ZNF804B: variants seen among roughly 807,000 people sequenced by gnomAD.
The protein encoded by ZNF804B is zinc finger protein 804B, also known as zinc finger 804B.
ZNF804B carries 80 observed loss-of-function variants against 101.4 expected under a neutral mutation model. The observed-to-expected ratio is 0.79, with a 90% CI of 0.66 to 0.95. ZNF804B has a LOEUF of 0.95. ZNF804B is among the 40% of genes least tolerant of loss of function. The pLI is 0.00. For missense variants in ZNF804B, 1,673 were observed against 1,561.9 expected (o/e 1.07, Z -1.20); for synonymous variants, 622 against 558.8 (o/e 1.11, Z -1.59).
intron 1 of ZNF804B, among the ~76,000 whole-genome samples, chr7:89,003,660 A>G (rs529590991): frequency 6.6e-6 from 1 of 152,000 alleles, no homozygotes; most frequent in Non-Finnish European, 1.5e-5. Context: ...TTATTACTAA[A>G]TGGATGCCAG....
chr7:88,861,974 T>C (rs773521187), intron 1 of ZNF804B, among the ~76,000 whole-genome samples: 3 of 152,102 alleles, frequency 2.0e-5, no homozygotes, highest in Non-Finnish European at 2.9e-5. Context: ...GGGGACCCAA[T>C]GCTAAGGACA....
intron 1 of ZNF804B, among the ~76,000 whole-genome samples, chr7:89,006,627 C>A (rs1233384829): frequency 6.6e-6 from 1 of 151,684 alleles, no homozygotes; most frequent in Admixed American, 6.6e-5. Context: ...GATGCCATGG[C>A]CATATTAAAG....
chr7:88,914,057 T>C (rs1314929614), intron 1 of ZNF804B, among the ~76,000 whole-genome samples: 1 of 152,180 alleles, frequency 6.6e-6, no homozygotes, highest in Non-Finnish European at 1.5e-5. Context: ...CTGCCTCCTA[T>C]TGAATGTGCC....
chr7:88,988,012 C>A (rs1793788894), intron 1 of ZNF804B, among the ~76,000 whole-genome samples: 1 of 151,850 alleles, frequency 6.6e-6, no homozygotes, highest in South Asian at 2.1e-4. Context: ...AACCATTATT[C>A]TACTCTCTAC....
chr7:89,005,203 A>T (rs1213741918), intron 1 of ZNF804B, among the ~76,000 whole-genome samples: 1 of 151,942 alleles, frequency 6.6e-6, no homozygotes, highest in Non-Finnish European at 1.5e-5. Flanking sequence ...TGAATATAAA[A>T]ATATTTATTC....
intron 1 of ZNF804B, among the ~76,000 whole-genome samples, chr7:89,176,933 C>T (rs1791331899): frequency 6.6e-6 from 1 of 152,098 alleles, no homozygotes. Flanking sequence ...TATAGTTGCT[C>T]ATAGTAGTCT....
chr7:88,904,166 A>G (rs796932744), intron 1 of ZNF804B, among the ~76,000 whole-genome samples: 127 of 152,308 alleles, frequency 8.3e-4, no homozygotes, highest in African/African-American at 2.7e-3. Flanking sequence ...ATTCTTCTGC[A>G]TTTGGCTAGT....
At chr7:88,784,455 G>C (rs1285827817) in intron 1 of ZNF804B, among the ~76,000 whole-genome samples, 1 of 152,112 alleles carries the variant, frequency 6.6e-6, no homozygotes, top group Non-Finnish European at 1.5e-5. Context: ...TTCAAAACTG[G>C]ATAGAGCCCT....
intron 1 of ZNF804B, among the ~76,000 whole-genome samples, chr7:89,172,491 C>A (rs188385080): frequency 6.6e-6 from 1 of 152,222 alleles, no homozygotes; most frequent in East Asian, 1.9e-4. Flanking sequence ...TGATTCTTCT[C>A]GCCTATGAAA....
At chr7:89,255,247 G>A (rs1337816719) in intron 2 of ZNF804B, among the ~76,000 whole-genome samples, 1 of 152,170 alleles carries the variant, frequency 6.6e-6, no homozygotes, top group Non-Finnish European at 1.5e-5. Context: ...TCGCTATTAT[G>A]AGAACAGCAC....
intron 1 of ZNF804B, among the ~76,000 whole-genome samples, chr7:88,930,348 G>C (rs1792864509): frequency 6.6e-6 from 1 of 151,924 alleles, no homozygotes. Flanking sequence ...AATGAAAAGT[G>C]TTTCTGTGGC....
chr7:89,328,050 TG>T (rs1318461853), intron 3 of ZNF804B, among the ~76,000 whole-genome samples: 2 of 152,022 alleles, frequency 1.3e-5, no homozygotes. Flanking sequence ...GTTTCAAAGT[TG>T]TTACCTGGAA....
intron 1 of ZNF804B, among the ~76,000 whole-genome samples, chr7:88,857,736 A>G (rs1683772354): frequency 1.3e-5 from 2 of 151,928 alleles, no homozygotes; most frequent in African/African-American, 2.4e-5. Context: ...CAATAGAAAA[A>G]GAGGGAATCC....
chr7:88,792,477 C>T (rs1790395563), intron 1 of ZNF804B, among the ~76,000 whole-genome samples: 1 of 152,144 alleles, frequency 6.6e-6, no homozygotes, highest in Non-Finnish European at 1.5e-5. Flanking sequence ...TATTCTCTTA[C>T]ATATGCTCGT....
chr7:89,335,181 T>C lies in ZNF804B; in HGVS notation c.2199T>C (p.Gly733=), dbSNP rs763981917. The stretch of plus-strand genomic sequence containing the variant: ...CTTGTTCAAGTCATAGATTCAATGG[T>C]AATAGCAGAGGTAATTTGCTCTGCT... The part of the protein sequence containing the change: ...RSTCSSHRFN[G]NSRGNLLCFH... Residue 733 remains glycine (G), a synonymous_variant, in exon 4 of 4, where the codon GGT becomes GGC. Coordinates refer to ENST00000333190, the MANE Select transcript of ZNF804B (RefSeq NM_181646.5). 2.5e-6 allele frequency: 4 copies of C among 1,613,746 alleles called. No homozygotes were observed. The highest frequency in any genetic ancestry group is 3.4e-6 in the Non-Finnish European group (4 of 1,179,942).
chr7:88,988,377 C>T (rs1247913505), intron 1 of ZNF804B, among the ~76,000 whole-genome samples: 2 of 152,166 alleles, frequency 1.3e-5, no homozygotes, highest in East Asian at 3.9e-4. Context: ...ACTTGTTTGT[C>T]AGCAAGAGAG....
intron 1 of ZNF804B, among the ~76,000 whole-genome samples, chr7:88,796,003 G>T (rs929040916): frequency 6.6e-6 from 1 of 151,922 alleles, no homozygotes; most frequent in Non-Finnish European, 1.5e-5. Context: ...GAACTCCTCT[G>T]TTCTACTTAG....
intron 1 of ZNF804B, among the ~76,000 whole-genome samples, chr7:89,111,785 CAACACA>C (rs1790221762): frequency 6.6e-6 from 1 of 151,876 alleles, no homozygotes; most frequent in African/African-American, 2.4e-5. Context: ...AACTGATTGC[CAACACA>C]AAAATGTGAA....
At chr7:89,045,094 C>G (rs369690913) in intron 1 of ZNF804B, among the ~76,000 whole-genome samples, 3 of 152,170 alleles carry the variant, frequency 2.0e-5, no homozygotes, top group African/African-American at 7.2e-5. Flanking sequence ...TCAGCTCCAG[C>G]CAGGGCTAAA....
Sources: gnomAD v4.1 joint callset for allele counts (sites outside exome capture counted in the v4.1 genomes callset) on GRCh38, gnomAD v4.1.1 for gene constraint, MANE v1.5 for transcripts, NCBI Gene and HGNC (gene_info 2026-07-23, HGNC 2026-07-21) for gene names.